SEZ6L: variants seen among roughly 807,000 people sequenced by gnomAD.
SEZ6L encodes the protein seizure related 6 homolog like.
In SEZ6L, 37 loss-of-function variants were observed where a neutral mutation model predicts 106.2. The ratio of observed to expected loss-of-function variants is 0.35; its 90% CI spans 0.27 to 0.46. The LOEUF (loss-of-function observed/expected upper bound fraction) is 0.46. Among genes scored for constraint, SEZ6L ranks in the 20% least tolerant of loss-of-function variants. The pLI, the probability that SEZ6L is intolerant of heterozygous loss-of-function variation, is 1.00. For synonymous variants in SEZ6L, 541 were observed against 570.4 expected, an observed-to-expected ratio of 0.95 and a Z score of 0.73; for missense variants, 1,172 against 1,332.8, an observed-to-expected ratio of 0.88 and a Z score of 1.88.
chr22:26,340,426 G>A lies in SEZ6L; in HGVS notation c.2016-10G>A, dbSNP rs1452394305. ...TTTCACATGACTCTCCCTCTTCTCT[G>A]CCCTCCAAGCCTGAATCTGAGCAAC... On this transcript the variant is annotated splice_polypyrimidine_tract_variant and intron_variant, in intron 9 of 16. Transcript: ENST00000248933. 1.9e-6 allele frequency: 3 copies of A among 1,602,422 alleles called. No individual in the cohort carries two copies. Among genetic ancestry groups the A allele is most frequent in the Non-Finnish European group, 2.6e-6 (3 of 1,174,624 alleles).
intron 3 of SEZ6L, among the ~76,000 whole-genome samples, chr22:26,295,123 A>G (rs945930875): frequency 1.1e-4 from 17 of 152,172 alleles, no homozygotes; most frequent in African/African-American, 4.1e-4. Flanking sequence ...TTGAACAAGG[A>G]ACTTCACCTC....
rs1601356131 is a variant in SEZ6L, at chr22:26,278,424, A to T, written c.95-13982A>T. Among the ~76,000 whole-genome samples, 3 of 152,302 alleles carry T rather than the reference A, an allele frequency of 2.0e-5. No homozygotes were observed. In the East Asian group the frequency reaches 5.8e-4, roughly 29 times the overall value. On this transcript the variant is annotated intron_variant, in intron 1 of 16. Coordinates refer to ENST00000248933, the MANE Select transcript of SEZ6L (RefSeq NM_021115.5). Reference sequence around the variant, plus strand: ...CATGGTGCCTGATAGGTAAGTTTTCAACCCTCACCCGTCTTCCACCCTCCC... The same window carrying T: ...CATGGTGCCTGATAGGTAAGTTTTCTACCCTCACCCGTCTTCCACCCTCCC...
At chr22:26,260,023 A>G (rs1354536723) in intron 1 of SEZ6L, among the ~76,000 whole-genome samples, 1 of 152,238 alleles carries the variant, frequency 6.6e-6, no homozygotes, top group East Asian at 1.9e-4. Flanking sequence ...CTGATTTGGC[A>G]TGCTTAGGGT....
At chr22:26,237,493 G>T (rs1602113848) in intron 1 of SEZ6L, among the ~76,000 whole-genome samples, 1 of 152,252 alleles carries the variant, frequency 6.6e-6, no homozygotes, top group African/African-American at 2.4e-5. Flanking sequence ...TCATCTATAA[G>T]ATGGGTATCC....
At chr22:26,271,207 T>C (rs1207383681) in intron 1 of SEZ6L, among the ~76,000 whole-genome samples, 2 of 152,208 alleles carry the variant, frequency 1.3e-5, no homozygotes, top group African/African-American at 4.8e-5. Context: ...TCGTAGTATG[T>C]ATATAAACAA....
intron 12 of SEZ6L, among the ~76,000 whole-genome samples, chr22:26,360,392 T>G (rs555059598): frequency 6.6e-6 from 1 of 152,224 alleles, no homozygotes; most frequent in Non-Finnish European, 1.5e-5. Context: ...CATACAGGAC[T>G]GAATTAGTGT....
chr22:26,342,085 C>T (rs974176028), intron 10 of SEZ6L, among the ~76,000 whole-genome samples: 10 of 152,326 alleles, frequency 6.6e-5, no homozygotes, highest in African/African-American at 2.4e-4. Flanking sequence ...GCTTCCTCCA[C>T]CCCCAATATT....
chr22:26,378,748 T>C (rs2146091547), intron 16 of SEZ6L, among the ~76,000 whole-genome samples: 1 of 152,320 alleles, frequency 6.6e-6, no homozygotes, highest in South Asian at 2.1e-4. Context: ...AGGCTGGTTA[T>C]GAGTTTGCAA....
rs750594166 is a variant in SEZ6L at position 26,351,196 on chromosome 22, G to A, written c.2552G>A (p.Arg851His). The A allele has an allele frequency of 9.3e-6, 15 of 1,614,056 alleles. No individual in the cohort carries two copies. The highest frequency in any genetic ancestry group is 1.3e-5 in the African/African-American group (1 of 74,932). Reference sequence around the variant, plus strand: ...AGTTCTCTTCTGACCTGCTACAGCCGTGAAACAGGGACTCCCATCTGGACG... The same window carrying A: ...AGTTCTCTTCTGACCTGCTACAGCCATGAAACAGGGACTCCCATCTGGACG... ...EGSSLLTCYS[R>H]ETGTPIWTSR... The change falls in exon 12 of 17, where the codon CGT becomes CAT. Residue 851 changes from arginine (R) to histidine (H), a missense_variant. Coordinates refer to ENST00000248933, the MANE Select transcript of SEZ6L (RefSeq NM_021115.5).
intron 11 of SEZ6L, among the ~76,000 whole-genome samples, chr22:26,348,685 AGAAAGAAAGAAAGAAAGAAGGCAAG>A (rs2083139564): frequency 1.2e-5 from 1 of 80,396 alleles, no homozygotes; most frequent in African/African-American, 5.1e-5. Context: ...AAAGAAAGAA[AGAAAGAAAGAAAGAAAGAAGGCAAG>A]GGAGGGAAGG....
At chr22:26,221,935 C>T (rs2078487087) in intron 1 of SEZ6L, among the ~76,000 whole-genome samples, 1 of 152,132 alleles carries the variant, frequency 6.6e-6, no homozygotes, top group South Asian at 2.1e-4. Context: ...TGCAGGAAAC[C>T]AGAGACAAAT....
intron 1 of SEZ6L, among the ~76,000 whole-genome samples, chr22:26,183,170 A>G (rs1381071716): frequency 2.0e-5 from 3 of 152,360 alleles, no homozygotes; most frequent in African/African-American, 4.8e-5. Context: ...AAAGAAGCTG[A>G]GGTCAGATGG....
At chr22:26,354,491 CT>C (rs1384788390) in intron 12 of SEZ6L, among the ~76,000 whole-genome samples, 1 of 152,166 alleles carries the variant, frequency 6.6e-6, no homozygotes, top group African/African-American at 2.4e-5. Context: ...TGTCCTAAGC[CT>C]CCCGGTTTGT....
intron 1 of SEZ6L, among the ~76,000 whole-genome samples, chr22:26,243,796 A>G (rs758634384): frequency 2.0e-5 from 3 of 152,102 alleles, no homozygotes; most frequent in Non-Finnish European, 2.9e-5. Context: ...TGGTAATTTT[A>G]TTTAACCCAT....
intron 1 of SEZ6L, among the ~76,000 whole-genome samples, chr22:26,201,106 T>C (rs1313209605): frequency 6.6e-6 from 1 of 152,178 alleles, no homozygotes; most frequent in Non-Finnish European, 1.5e-5. Flanking sequence ...GAACTTGTCT[T>C]TTCTCTCAGC....
At chr22:26,192,904 T>A (rs1381439936) in intron 1 of SEZ6L, among the ~76,000 whole-genome samples, 6 of 152,194 alleles carry the variant, frequency 3.9e-5, no homozygotes, top group Admixed American at 3.9e-4. Context: ...TGCTTCACGT[T>A]TGCCCTCCAC....
At position 26,308,727 on chromosome 22, in the gene SEZ6L, A is replaced by G. The variant is rs2081720566; in HGVS notation, c.1515-1943A>G. On this transcript the variant is annotated intron_variant, in intron 6 of 16. Coordinates refer to ENST00000248933, the MANE Select transcript of SEZ6L (RefSeq NM_021115.5). ...TTGCAAATCCATTTGACCATAGACT[A>G]TTAAGAATTTGAGAGAAAATGTATT... is the stretch of plus-strand genomic sequence containing the variant. Among the ~76,000 whole-genome samples, 3 of 152,246 alleles carry G rather than the reference A, an allele frequency of 2.0e-5. No homozygotes were observed. The South Asian group carries it at 6.2e-4, about 31-fold the overall frequency.
intron 9 of SEZ6L, among the ~76,000 whole-genome samples, chr22:26,317,105 A>G (rs1346994957): frequency 4.6e-5 from 7 of 152,130 alleles, no homozygotes; most frequent in Non-Finnish European, 8.8e-5. Flanking sequence ...GGAGCAAAGC[A>G]TGGCAGGTGG....
intron 1 of SEZ6L, among the ~76,000 whole-genome samples, chr22:26,215,726 G>A (rs2078280336): frequency 6.6e-6 from 1 of 152,176 alleles, no homozygotes; most frequent in African/African-American, 2.4e-5. Context: ...TGTGCCCCCA[G>A]CCTGAGGTGG....
Sources: allele counts gnomAD v4.1 joint callset (sites outside exome capture counted in the v4.1 genomes callset), GRCh38; gene constraint gnomAD v4.1.1; transcripts MANE v1.5; gene names NCBI Gene and HGNC (gene_info 2026-07-23, HGNC 2026-07-21).